TRPV3: variants seen among roughly 807,000 people sequenced by gnomAD.
The protein encoded by TRPV3 is transient receptor potential cation channel subfamily V member 3, also known as VRL-3.
Under a neutral mutation model 87.1 loss-of-function variants are expected in TRPV3, and 88 were observed. That is an observed-to-expected ratio of 1.01 (90% confidence interval 0.85 to 1.21). The LOEUF is 1.21. Among genes scored for constraint, TRPV3 ranks in the 50% most tolerant of loss-of-function variants. TRPV3 has a pLI of 0.00. For synonymous variants in TRPV3, 438 were observed against 423.3 expected (o/e 1.03, Z -0.43); for missense variants, 1,054 against 1,030.1 (o/e 1.02, Z -0.32).
At chr17:3,545,837 A>G (rs2074518623) in intron 2 of TRPV3, among the ~76,000 whole-genome samples, 1 of 150,948 alleles carries the variant, frequency 6.6e-6, no homozygotes, top group African/African-American at 2.4e-5. Flanking sequence ...AAAAAAAAAA[A>G]AAAGTAGCTG....
chr17:3,554,863 A>G lies in TRPV3; in HGVS notation c.-2-11T>C. 6.3e-7 allele frequency: 1 copy of G among 1,587,308 alleles called. No homozygotes were observed. Among genetic ancestry groups the G allele is most frequent in the Non-Finnish European group, 8.6e-7 (1 of 1,161,744 alleles). ...GGTGGGCTTTCATGGCTGGAATACA[A>G]CCACAGGGCAGATGCTCAGGCCGGG... On this transcript the variant is annotated splice_polypyrimidine_tract_variant and intron_variant, in intron 1 of 17. Transcript: ENST00000576742.
chr17:3,536,218 T>G (rs7223511), intron 6 of TRPV3, among the ~76,000 whole-genome samples: 3,252 of 152,184 alleles, frequency 0.021, 125 homozygotes, highest in African/African-American at 0.074. Context: ...ATTAGGAAAC[T>G]GGCAGGACGA....
Position 3,518,815 on chromosome 17 carries a change from T to G in TRPV3, c.1846A>C (p.Asn616His). 6.2e-7 allele frequency: 1 copy of G among 1,614,116 alleles called. No homozygotes were observed. The change falls in exon 15 of 18, where the codon AAC becomes CAC. Residue 616 changes from asparagine (N) to histidine (H), a missense_variant. Physicochemically the swap from Asn to His is moderately conservative, Grantham distance 68 (BLOSUM62 1). Coordinates refer to ENST00000576742, the MANE Select transcript of TRPV3 (RefSeq NM_145068.4). This position sits in a 1 kb window ranked among gnomAD's most constrained non-coding sequence, Gnocchi z 4.3. The part of the protein sequence containing the change: ...ASLIEKCPKD[N>H]KDCSSYGSFS... ...CTGCCGTAGGAGCTGCAGTCCTTGT[T>G]GTCTTTGGGACACTTCTCGATCAGC...
chr17:3,527,921 G>A (rs757774651), intron 11 of TRPV3, 104 bp downstream of exon 11: 143 of 894,282 alleles, frequency 1.6e-4, no homozygotes, highest in Non-Finnish European at 2.2e-4. Context: ...GGAAGGAAAC[G>A]CCTCCCCAGA....
chr17:3,534,167 G>A (rs1289617796), intron 7 of TRPV3, among the ~76,000 whole-genome samples: 2 of 152,042 alleles, frequency 1.3e-5, no homozygotes, highest in South Asian at 2.1e-4. Context: ...GACACACGAT[G>A]AACTGGACAA....
At chr17:3,533,081 G>C in intron 7 of TRPV3, 144 bp from the exon 8 acceptor site, 4 of 970,240 alleles carry the variant, frequency 4.1e-6, no homozygotes, top group Non-Finnish European at 6.0e-6. Flanking sequence ...CGCTTCTACG[G>C]GGAAGAGTGA....
In TRPV3 at chr17:3,515,387, A is replaced by G. The variant is rs534440538; in HGVS notation, c.2199-715T>C. Among the ~76,000 whole-genome samples, 405 of 152,208 alleles carry G rather than the reference A, an allele frequency of 2.7e-3. 5 individuals are homozygous for G. Among genetic ancestry groups the G allele is most frequent in the African/African-American group, 8.2e-3 (341 of 41,546 alleles). On this transcript the variant is annotated intron_variant, in intron 16 of 17. Coordinates refer to ENST00000576742, the MANE Select transcript of TRPV3 (RefSeq NM_145068.4). ...AGAAAAGGTGTTCATGGGGCCGGGC[A>G]CCGTGGCTCACGCCTGTAATCCCAG...
rs530466774 is a variant in TRPV3 at position 3,511,676 on chromosome 17, C to T, written c.*2241G>A. The stretch of plus-strand genomic sequence containing the variant: ...ACCCACAGACAGCAGATCACCAAAA[C>T]ATGTGAGATGACAAACATCCCTATG... On this transcript the variant is annotated 3_prime_UTR_variant, in exon 18 of 18. Transcript: ENST00000576742. 16 of 152,376 alleles carry T rather than the reference C, an allele frequency of 1.1e-4. No homozygotes were observed. Among genetic ancestry groups the T allele is most frequent in the African/African-American group, 2.9e-4 (12 of 41,578 alleles). 9.4% of individuals were successfully genotyped at this position (152,376 alleles called of 1,614,324 possible).
intron 13 of TRPV3, among the ~76,000 whole-genome samples, chr17:3,522,687 CAT>C (rs1567632207): frequency 6.6e-6 from 1 of 151,544 alleles, no homozygotes; most frequent in African/African-American, 2.4e-5. Context: ...GGGCATGGTG[CAT>C]GCCTGTAGTC....
chr17:3,535,814 A>G, intron 6 of TRPV3, 101 bp from the exon 7 acceptor site: 1 of 1,291,436 alleles, frequency 7.7e-7, no homozygotes, highest in Non-Finnish European at 1.0e-6. Context: ...CCACGGGGAG[A>G]TCAGAACCCT....
intron 12 of TRPV3, 120 bp from the exon 13 acceptor site, chr17:3,524,483 A>G (rs1413232048): frequency 1.6e-6 from 2 of 1,265,224 alleles, no homozygotes; most frequent in African/African-American, 3.0e-5. Context: ...ACGGATGCTG[A>G]AGAGACCAGA....
intron 6 of TRPV3, among the ~76,000 whole-genome samples, chr17:3,537,260 A>G (rs2074416413): frequency 6.6e-6 from 1 of 152,180 alleles, no homozygotes; most frequent in East Asian, 1.9e-4. Context: ...CAAAAGCTAG[A>G]CTTTCATATT....
intron 6 of TRPV3, 120 bp downstream of exon 6, chr17:3,542,402 A>C: frequency 8.7e-7 from 1 of 1,143,058 alleles, no homozygotes; most frequent in Non-Finnish European, 1.2e-6. Flanking sequence ...ACCATGCTAC[A>C]TGCTTGGGGC....
chr17:3,536,810 G>T (rs532809919), intron 6 of TRPV3, among the ~76,000 whole-genome samples: 1 of 152,114 alleles, frequency 6.6e-6, no homozygotes, highest in Non-Finnish European at 1.5e-5. Flanking sequence ...GAAGGGTAGC[G>T]GGAGAGACAC....
chr17:3,514,320 T>A (rs2074153001), intron 17 of TRPV3: 1 of 512,690 alleles, frequency 2.0e-6, no homozygotes, highest in Admixed American at 3.4e-5. Flanking sequence ...CTCAGGTGAT[T>A]CACCCGACTC....
rs2074317526 is a variant in TRPV3 at position 3,528,209 on chromosome 17, G to A, written c.1402-83C>T. On this transcript the variant is annotated intron_variant, in intron 10 of 17. Transcript: ENST00000576742. This position sits in a 1 kb window ranked among gnomAD's most constrained non-coding sequence, Gnocchi z 4.2. ...CAACTCTAGAGGGACCAAAACCCAG[G>A]TGAAACACTCAAGCCGGGCCAGAGA... is the stretch of plus-strand genomic sequence containing the variant. 2.0e-6 allele frequency: 2 copies of A among 1,024,420 alleles called. No individual in the cohort carries two copies. The highest frequency in any genetic ancestry group is 2.6e-5 in the East Asian group (1 of 38,084). The allele number at this position is 1,024,420 out of a possible 1,614,324, so 63.5% of individuals were successfully genotyped here. A position where few individuals can be genotyped will look rare whatever the true frequency, so the allele number is the denominator to read the frequency against.
chr17:3,535,807 C>G, intron 6 of TRPV3, 94 bp from the exon 7 acceptor site: 1 of 1,337,374 alleles, frequency 7.5e-7, no homozygotes. Context: ...CCCGAACCCA[C>G]GGGGAGATCA....
chr17:3,554,654 G>A, intron 2 of TRPV3, 78 bp downstream of exon 2: 5 of 997,876 alleles, frequency 5.0e-6, no homozygotes, highest in Admixed American at 2.4e-5. Context: ...CAAGGCAAGG[G>A]CTCCCTGGGG....
chr17:3,543,389 G>A (rs151291383), intron 5 of TRPV3, 85 bp downstream of exon 5: 1 of 1,532,188 alleles, frequency 6.5e-7, no homozygotes, highest in Non-Finnish European at 8.9e-7. Flanking sequence ...CCAGCCTCAT[G>A]GGTTGGTGAG....
Sources: gnomAD v4.1 joint callset for allele counts (sites outside exome capture counted in the v4.1 genomes callset) on GRCh38, gnomAD v4.1.1 for gene constraint, Gnocchi (gnomAD v3.1) non-coding constraint, MANE v1.5 for transcripts, NCBI Gene and HGNC (gene_info 2026-07-23, HGNC 2026-07-21) for gene names.